FSIP1: variants seen among roughly 807,000 people sequenced by gnomAD.
The protein encoded by FSIP1 is fibrous sheath-interacting protein 1.
In FSIP1, 65 loss-of-function variants were observed where a neutral mutation model predicts 60.9. That is an observed-to-expected ratio of 1.07 (90% CI 0.87 to 1.31). FSIP1 has a LOEUF of 1.31. Among genes scored for constraint, FSIP1 ranks in the 40% most tolerant of loss-of-function variants. The pLI is 0.00. For synonymous variants in FSIP1, 209 were observed against 221.2 expected (o/e 0.94, Z 0.49); for missense variants, 675 against 665.5 (o/e 1.01, Z -0.16).
chr15:39,730,950 G>A (rs966046232), intron 8 of FSIP1, among the ~76,000 whole-genome samples: 3 of 152,138 alleles, frequency 2.0e-5, no homozygotes, highest in Non-Finnish European at 2.9e-5. Flanking sequence ...ACTTCCCACT[G>A]AGTCTATGGA....
chr15:39,716,149 T>A lies in FSIP1; in HGVS notation c.1051-2568A>T, dbSNP rs147213615. On this transcript the variant is annotated intron_variant, in intron 9 of 11. Coordinates refer to ENST00000350221, the MANE Select transcript of FSIP1 (RefSeq NM_152597.5). ...ATGTTAGGGGGAAGTTTGGAAAAAA[T>A]GGTATCAAGGTCTCTTTGCAATGCT... Among the ~76,000 whole-genome samples, 1,317 of 152,232 alleles carry A rather than the reference T, an allele frequency of 8.7e-3. 11 individuals carry two copies. Among genetic ancestry groups the A allele is most frequent in the Non-Finnish European group, 0.013 (885 of 68,020 alleles).
At chr15:39,735,560 A>G (rs1406571672) in intron 8 of FSIP1, among the ~76,000 whole-genome samples, 1 of 152,220 alleles carries the variant, frequency 6.6e-6, no homozygotes, top group African/African-American at 2.4e-5. Context: ...GACTGTGAAC[A>G]CCAAGGACAT....
intron 5 of FSIP1, among the ~76,000 whole-genome samples, chr15:39,757,530 A>C (rs1014612212): frequency 1.3e-5 from 2 of 152,138 alleles, no homozygotes; most frequent in African/African-American, 4.8e-5. Flanking sequence ...AAAACAAATT[A>C]ATATAATTAG....
chr15:39,688,394 A>C (rs1393991961), intron 10 of FSIP1, among the ~76,000 whole-genome samples: 2 of 152,242 alleles, frequency 1.3e-5, no homozygotes, highest in Admixed American at 1.3e-4. Context: ...GGGAAAAGTC[A>C]TCTAACACAA....
At chr15:39,616,365 A>T (rs1489478645) in intron 11 of FSIP1, among the ~76,000 whole-genome samples, 2 of 152,210 alleles carry the variant, frequency 1.3e-5, no homozygotes, top group African/African-American at 4.8e-5. Context: ...CTCTGTTTTT[A>T]AAAATGTTAT....
At chr15:39,769,075 C>A (rs1011359518) in intron 3 of FSIP1, among the ~76,000 whole-genome samples, 2 of 151,990 alleles carry the variant, frequency 1.3e-5, no homozygotes, top group Admixed American at 6.5e-5. Flanking sequence ...GTCAGGAGAT[C>A]GAGACCATCC....
chr15:39,606,666 G>A lies in FSIP1; in HGVS notation c.1700-5740C>T, dbSNP rs971511600. 3.9e-5 allele frequency among the ~76,000 whole-genome samples: 6 copies of A among 152,006 alleles called. No individual in the cohort carries two copies. The South Asian group carries it at 6.2e-4, about 16-fold the overall frequency. On this transcript the variant is annotated intron_variant, in intron 11 of 11. Transcript: ENST00000350221. The stretch of plus-strand genomic sequence containing the variant: ...ATACTGTTCACTCAACAGGTCCAAC[G>A]AGAAATTCCACTTTGTTTTTCTTAA...
intron 10 of FSIP1, among the ~76,000 whole-genome samples, chr15:39,701,358 G>T (rs1895051827): frequency 6.6e-6 from 1 of 152,134 alleles, no homozygotes; most frequent in Non-Finnish European, 1.5e-5. Flanking sequence ...TAATATTCTT[G>T]CACATGTAGG....
chr15:39,623,079 C>A (rs963798787), intron 10 of FSIP1, among the ~76,000 whole-genome samples: 1 of 151,104 alleles, frequency 6.6e-6, no homozygotes, highest in Admixed American at 6.6e-5. Flanking sequence ...CATCTCCACC[C>A]AGATAAATGC....
At chr15:39,733,277 C>T (rs558929249) in intron 8 of FSIP1, among the ~76,000 whole-genome samples, 1 of 152,278 alleles carries the variant, frequency 6.6e-6, no homozygotes, top group South Asian at 2.1e-4. Context: ...GTGATCCTCC[C>T]GCCTTGGCCT....
chr15:39,673,188 G>T (rs186157421), intron 10 of FSIP1, among the ~76,000 whole-genome samples: 1 of 152,074 alleles, frequency 6.6e-6, no homozygotes, highest in African/African-American at 2.4e-5. Context: ...GAACAAATAC[G>T]GACATTTTTT....
chr15:39,722,965 C>T (rs532271095), intron 9 of FSIP1, among the ~76,000 whole-genome samples: 2 of 151,964 alleles, frequency 1.3e-5, no homozygotes, highest in Admixed American at 6.6e-5. Context: ...ATGGCACCTG[C>T]CTGTGCTGTC....
intron 4 of FSIP1, among the ~76,000 whole-genome samples, chr15:39,764,155 A>G (rs141951763): frequency 2.9e-4 from 44 of 152,272 alleles, no homozygotes; most frequent in South Asian, 6.2e-4. Context: ...TTAAAGTATC[A>G]TAAGTTTCTG....
chr15:39,632,262 C>G (rs530409433), intron 10 of FSIP1, among the ~76,000 whole-genome samples: 87 of 152,260 alleles, frequency 5.7e-4, no homozygotes, highest in African/African-American at 2.0e-3. Flanking sequence ...ACTACAATCT[C>G]CACCTGCTGG....
At chr15:39,651,221 C>T (rs1052028608) in intron 10 of FSIP1, among the ~76,000 whole-genome samples, 1 of 152,202 alleles carries the variant, frequency 6.6e-6, no homozygotes, top group African/African-American at 2.4e-5. Context: ...CCTAAGTTAA[C>T]AAATCTTAAA....
At chr15:39,725,014 C>T (rs1260301133) in intron 9 of FSIP1, among the ~76,000 whole-genome samples, 2 of 152,084 alleles carry the variant, frequency 1.3e-5, no homozygotes, top group East Asian at 1.9e-4. Context: ...AGGCGGATCA[C>T]GAGGTCAGGA....
chr15:39,602,927 C>A (rs919144766), intron 11 of FSIP1, among the ~76,000 whole-genome samples: 2 of 152,130 alleles, frequency 1.3e-5, no homozygotes, highest in Non-Finnish European at 2.9e-5. Flanking sequence ...AAAAATTTTT[C>A]ATCAATATAC....
intron 11 of FSIP1, among the ~76,000 whole-genome samples, chr15:39,610,603 C>T (rs1890994377): frequency 1.3e-5 from 2 of 152,150 alleles, no homozygotes; most frequent in Non-Finnish European, 2.9e-5. Context: ...GAGGCAGAGG[C>T]TGCAGTGAGC....
chr15:39,747,611 G>A (rs1415623082), intron 5 of FSIP1, among the ~76,000 whole-genome samples: 1 of 152,120 alleles, frequency 6.6e-6, no homozygotes, highest in Non-Finnish European at 1.5e-5. Flanking sequence ...ATGTCTTTCT[G>A]TTGTCTTCAC....
Sources: gnomAD v4.1 joint callset for allele counts (sites outside exome capture counted in the v4.1 genomes callset) on GRCh38, gnomAD v4.1.1 for gene constraint, MANE v1.5 for transcripts, NCBI Gene and HGNC (gene_info 2026-07-23, HGNC 2026-07-21) for gene names.